The following STX7 variants were observed in gnomAD, a reference collection of about 807,000 sequenced individuals.
STX7 encodes syntaxin 7.
STX7 carries 34 observed loss-of-function variants against 39.6 expected under a neutral mutation model. The ratio of observed to expected loss-of-function variants is 0.86; its 90% CI spans 0.65 to 1.14. The LOEUF (loss-of-function observed/expected upper bound fraction) is 1.14. Ranked by LOEUF, STX7 falls within the 50% of genes most tolerant of loss-of-function variation. The pLI is 0.00. For missense variants in STX7, 284 were observed against 310.4 expected (o/e 0.92, Z 0.64); for synonymous variants, 119 against 99.1 (o/e 1.20, Z -1.19).
At chr6:132,487,392 C>A (rs1169580365) in intron 2 of STX7, among the ~76,000 whole-genome samples, 1 of 152,154 alleles carries the variant, frequency 6.6e-6, no homozygotes, top group Non-Finnish European at 1.5e-5. Flanking sequence ...AAAGCAAATA[C>A]TGCATGTTCT....
intron 9 of STX7, among the ~76,000 whole-genome samples, chr6:132,462,164 C>T (rs1220457731): frequency 6.6e-6 from 1 of 152,180 alleles, no homozygotes; most frequent in Non-Finnish European, 1.5e-5. Flanking sequence ...CTGGGGTACT[C>T]CCCCTAGCGT....
chr6:132,490,137 G>A (rs909392888), intron 2 of STX7, among the ~76,000 whole-genome samples: 6 of 152,210 alleles, frequency 3.9e-5, no homozygotes, highest in Non-Finnish European at 5.9e-5. Context: ...GAAGCAAACA[G>A]GAAAGGACTG....
At chr6:132,475,734 T>A in intron 2 of STX7, 72 bp from the exon 3 acceptor site, 3 of 1,018,152 alleles carry the variant, frequency 2.9e-6, no homozygotes, top group Non-Finnish European at 4.3e-6. Flanking sequence ...AAAATTAATA[T>A]GTACAAGCAA....
chr6:132,499,846 A>G (rs1218716295), intron 2 of STX7, among the ~76,000 whole-genome samples: 1 of 152,154 alleles, frequency 6.6e-6, no homozygotes, highest in Admixed American at 6.5e-5. Context: ...TATCTAAATG[A>G]TATCTCAAAA....
In STX7 at chr6:132,454,344, A is replaced by T. The variant is rs186259111; in HGVS notation, c.*6414T>A. On this transcript the variant is annotated 3_prime_UTR_variant, in exon 10 of 10. Transcript: ENST00000367941. ...AAGCAAGATGAGGGATCCCTGTGCTAGAAAAAGTTCTGTGTGGAAACGTTC... is the reference window on the plus strand; with the variant it reads ...AAGCAAGATGAGGGATCCCTGTGCTTGAAAAAGTTCTGTGTGGAAACGTTC... 1.8e-4 allele frequency: 27 copies of T among 152,236 alleles called. No individual in the cohort carries two copies. Among genetic ancestry groups the T allele is most frequent in the African/African-American group, 6.0e-4 (25 of 41,564 alleles). The allele number at this position is 152,236 out of a possible 1,614,324, so 9.4% of individuals were successfully genotyped here. A position where few individuals can be genotyped will look rare whatever the true frequency, so the allele number is the denominator to read the frequency against.
rs796242820 is a variant in STX7, at chr6:132,457,148, C to T, written c.*3610G>A. 1.3e-5 allele frequency: 2 copies of T among 152,344 alleles called. No individual in the cohort carries two copies. The highest frequency in any genetic ancestry group is 1.9e-4 in the East Asian group (1 of 5,208). The allele number at this position is 152,344 out of a possible 1,614,324, so 9.4% of individuals were successfully genotyped here. On this transcript the variant is annotated 3_prime_UTR_variant, in exon 10 of 10. Transcript: ENST00000367941. ...CCCACTTTGGGGCCGCAGACACCTT[C>T]CTCACCCACCCTTTTGATGTCTAAT...
intron 8 of STX7, among the ~76,000 whole-genome samples, chr6:132,467,290 C>T (rs1774587197): frequency 6.6e-6 from 1 of 152,136 alleles, no homozygotes; most frequent in Non-Finnish European, 1.5e-5. Context: ...GTTCTCTCTG[C>T]CTGGAACACT....
Position 132,455,826 on chromosome 6 carries a change from A to G in STX7, c.*4932T>C, listed in dbSNP as rs1774229063. On this transcript the variant is annotated 3_prime_UTR_variant, in exon 10 of 10. Coordinates refer to ENST00000367941, the MANE Select transcript of STX7 (RefSeq NM_003569.3). Reference sequence around the variant, plus strand: ...TGGTGTATTGATATGGTATTTGAATAATGAGAAAATGGGCCAATAGGAAGA... The same window carrying G: ...TGGTGTATTGATATGGTATTTGAATGATGAGAAAATGGGCCAATAGGAAGA... 1.3e-5 allele frequency: 2 copies of G among 152,238 alleles called. No individual in the cohort carries two copies. Among genetic ancestry groups the G allele is most frequent in the Non-Finnish European group, 2.9e-5 (2 of 68,026 alleles). The allele number at this position is 152,238 out of a possible 1,614,324, so 9.4% of individuals were successfully genotyped here. A position where few individuals can be genotyped will look rare whatever the true frequency, so the allele number is the denominator to read the frequency against.
intron 5 of STX7, among the ~76,000 whole-genome samples, chr6:132,471,168 G>A (rs560722412): frequency 8.5e-5 from 13 of 152,244 alleles, no homozygotes; most frequent in Admixed American, 5.9e-4. Flanking sequence ...GTACCAAGAC[G>A]ATGTGAGAAT....
At chr6:132,488,569 GTTTTT>G (rs11343212) in intron 2 of STX7, among the ~76,000 whole-genome samples, 1 of 151,802 alleles carries the variant, frequency 6.6e-6, no homozygotes, top group Non-Finnish European at 1.5e-5. Context: ...GGAGTTCTCA[GTTTTT>G]TTTAAGTGTT....
At chr6:132,460,908 A>C (rs1218071005) in intron 9 of STX7, 58 bp from the exon 10 acceptor site, 3 of 1,409,078 alleles carry the variant, frequency 2.1e-6, no homozygotes, top group Admixed American at 1.8e-5. Context: ...TTAGTGGAGT[A>C]CCTCTACAGC....
chr6:132,510,234 T>C (rs1775813785), intron 1 of STX7, among the ~76,000 whole-genome samples: 1 of 152,248 alleles, frequency 6.6e-6, no homozygotes. Context: ...AAGAATGAAT[T>C]GTGAATGCTC....
rs116094912 is a variant in STX7, at chr6:132,464,239, T to C, written c.611-164A>G. Among the ~76,000 whole-genome samples the C allele has an allele frequency of 7.8e-3, 1,193 of 152,336 alleles. 15 individuals carry two copies. The highest frequency in any genetic ancestry group is 0.027 in the African/African-American group (1,139 of 41,572). On this transcript the variant is annotated intron_variant, in intron 8 of 9. Transcript: ENST00000367941. ...TTTTTTAAGCTGGCTTTAAGAATTA[T>C]AGTATACACCTATACTATTTTTCAG...
intron 2 of STX7, among the ~76,000 whole-genome samples, chr6:132,488,590 T>C (rs563683212): frequency 1.3e-5 from 2 of 152,228 alleles, no homozygotes. Context: ...GTGTTCAGCT[T>C]CTTATTTACA....
Position 132,471,558 on chromosome 6 carries a change from T to A in STX7, c.292A>T (p.Thr98Ser). Residue 98 changes from threonine (T) to serine (S), a missense_variant, in exon 5 of 10, where the codon ACA becomes TCA. Transcript: ENST00000367941. ...TTCTGGAAGTTTGTCAGTGATGTTG[T>A]GAACTCTGCCACTAAGCGATCCTTC... ...IQKDRLVAEF[T>S]TSLTNFQKVQ... The A allele has an allele frequency of 6.2e-7, 1 of 1,613,984 alleles. No homozygotes were observed. Among genetic ancestry groups the A allele is most frequent in the Non-Finnish European group, 8.5e-7 (1 of 1,179,890 alleles).
intron 2 of STX7, among the ~76,000 whole-genome samples, chr6:132,482,795 C>T (rs186858950): frequency 7.2e-5 from 11 of 152,144 alleles, no homozygotes; most frequent in Admixed American, 6.5e-4. Flanking sequence ...AAGGAAGAAA[C>T]GCCTGCTCTT....
chr6:132,475,141 T>C (rs947108127), intron 3 of STX7: 1 of 151,358 alleles, frequency 6.6e-6, no homozygotes, highest in South Asian at 2.1e-4. Context: ...TTTTTTTTTT[T>C]AAGACAGAGT....
chr6:132,493,554 A>T (rs1409930007), intron 2 of STX7, among the ~76,000 whole-genome samples: 1 of 152,206 alleles, frequency 6.6e-6, no homozygotes, highest in Non-Finnish European at 1.5e-5. Flanking sequence ...CCATGTAAGA[A>T]GTCCCCATGC....
At chr6:132,503,353 C>A in intron 2 of STX7, 93 bp downstream of exon 2, 1 of 1,058,004 alleles carries the variant, frequency 9.5e-7, no homozygotes, top group Admixed American at 1.8e-5. Flanking sequence ...GCTCCTCCCT[C>A]TCTCAATCAG....
Sources: allele counts gnomAD v4.1 joint callset (sites outside exome capture counted in the v4.1 genomes callset), GRCh38; gene constraint gnomAD v4.1.1; transcripts MANE v1.5; gene names NCBI Gene and HGNC (gene_info 2026-07-23, HGNC 2026-07-21).